The following SLC12A2 variants were observed in gnomAD, a reference collection of about 807,000 sequenced individuals.
SLC12A2 encodes the protein Na-K-2Cl cotransporter 1.
A neutral mutation model predicts 136.3 loss-of-function variants in SLC12A2; 67 were observed. That is an observed-to-expected ratio of 0.49 (90% confidence interval 0.40 to 0.60). SLC12A2 has a LOEUF of 0.60. SLC12A2 is among the 20% of genes least tolerant of loss of function. The probability of loss-of-function intolerance (pLI) is 0.00; values close to 1 mark genes in which losing one functional copy is unlikely to be tolerated. For missense variants in SLC12A2, 1,322 were observed against 1,534.7 expected (o/e 0.86, Z 2.32); for synonymous variants, 619 against 562.9 (o/e 1.10, Z -1.41).
intron 17 of SLC12A2, among the ~76,000 whole-genome samples, chr5:128,165,026 A>G (rs6882728): frequency 0.039 from 5,995 of 151,824 alleles, 425 homozygotes; most frequent in African/African-American, 0.14. Flanking sequence ...TATTTTTTGT[A>G]GAGATGAGGT....
intron 7 of SLC12A2, among the ~76,000 whole-genome samples, chr5:128,138,385 C>T (rs1762252718): frequency 6.6e-6 from 1 of 152,146 alleles, no homozygotes; most frequent in African/African-American, 2.4e-5. Flanking sequence ...AAAAATGAGA[C>T]ATGAATCAGA....
intron 1 of SLC12A2, among the ~76,000 whole-genome samples, chr5:128,091,001 A>T (rs1760293411): frequency 6.6e-6 from 1 of 152,034 alleles, no homozygotes; most frequent in Non-Finnish European, 1.5e-5. Context: ...TTTTCAAAAT[A>T]CCACGCTGAT....
In SLC12A2 at chr5:128,186,545, G is replaced by A. The variant is rs762046751; in HGVS notation, c.3553G>A (p.Ala1185Thr). 5 of 1,613,276 alleles carry A rather than the reference G, an allele frequency of 3.1e-6. No individual in the cohort carries two copies. Among genetic ancestry groups the A allele is most frequent in the East Asian group, 2.2e-5 (1 of 44,842 alleles). The change falls in exon 27 of 27, where the codon GCA becomes ACA. Residue 1185 changes from alanine to threonine, a missense_variant. By Grantham distance (58) the Ala-to-Thr change is moderately conservative. This residue lies in a region of SLC12A2 where 172 missense variants were observed against 227.4 expected (regional missense o/e 0.76). Coordinates refer to ENST00000262461, the MANE Select transcript of SLC12A2 (RefSeq NM_001046.3). ...TGCTGTGTCTAGTGCTCTCTACATG[G>A]CATGGTTAGAAGCTCTATCTAAGGA... Reference protein sequence around the residue: ...KGAVSSALYMAWLEALSKDLP... With the variant: ...KGAVSSALYMTWLEALSKDLP...
At chr5:128,181,409 A>G (rs190005432) in intron 23 of SLC12A2, among the ~76,000 whole-genome samples, 32 of 152,208 alleles carry the variant, frequency 2.1e-4, no homozygotes, top group Admixed American at 1.2e-3. Context: ...TCACGATTCT[A>G]GTTCTTGTTT....
At chr5:128,174,389 G>A (rs1223751722) in intron 19 of SLC12A2, 152 bp from the exon 20 acceptor site, 7 of 551,232 alleles carry the variant, frequency 1.3e-5, no homozygotes, top group East Asian at 1.1e-4. Flanking sequence ...TAAATGAATA[G>A]TCATTTCAAA....
chr5:128,102,342 C>T (rs551893255), intron 1 of SLC12A2, among the ~76,000 whole-genome samples: 1 of 151,658 alleles, frequency 6.6e-6, no homozygotes, highest in Non-Finnish European at 1.5e-5. Context: ...CTCTGTGCAC[C>T]CCCTTCTAAT....
chr5:128,156,645 G>T (rs984304359), intron 15 of SLC12A2, among the ~76,000 whole-genome samples: 11 of 152,196 alleles, frequency 7.2e-5, no homozygotes, highest in African/African-American at 2.7e-4. Flanking sequence ...AGAGACATTG[G>T]TGTCACATGG....
chr5:128,181,025 T>C (rs749770624), intron 23 of SLC12A2, 31 bp downstream of exon 23: 1 of 1,220,884 alleles, frequency 8.2e-7, no homozygotes, highest in Non-Finnish European at 1.2e-6. Flanking sequence ...AGGGCATGAA[T>C]CTATTAGCAC....
chr5:128,168,507 T>TG (rs940634094), intron 18 of SLC12A2: 4 of 152,218 alleles, frequency 2.6e-5, no homozygotes, highest in African/African-American at 9.7e-5. Context: ...ACATGGGTAG[T>TG]GGTGGGGTCT....
At chr5:128,141,582 G>A (rs1383074935) in intron 9 of SLC12A2, among the ~76,000 whole-genome samples, 1 of 152,184 alleles carries the variant, frequency 6.6e-6, no homozygotes, top group Admixed American at 6.5e-5. Context: ...TCTTTACATG[G>A]TTTTTAAGTG....
chr5:128,184,688 A>G (rs1418057976), intron 25 of SLC12A2, 101 bp from the exon 26 acceptor site: 1 of 1,567,418 alleles, frequency 6.4e-7, no homozygotes, highest in Admixed American at 1.9e-5. Flanking sequence ...TTATTACACG[A>G]AAATTCATTT....
chr5:128,184,720 T>C, intron 25 of SLC12A2, 69 bp from the exon 26 acceptor site: 1 of 1,604,258 alleles, frequency 6.2e-7, no homozygotes, highest in Non-Finnish European at 8.5e-7. Context: ...TGTCTCCTTA[T>C]AGTTTTATGA....
intron 1 of SLC12A2, among the ~76,000 whole-genome samples, chr5:128,097,579 C>T (rs527353142): frequency 1.3e-5 from 2 of 151,860 alleles, no homozygotes; most frequent in East Asian, 3.9e-4. Flanking sequence ...TAATTTAATT[C>T]TTCTGTTGAA....
intron 4 of SLC12A2, among the ~76,000 whole-genome samples, chr5:128,124,734 T>C (rs1761718624): frequency 6.7e-6 from 1 of 150,152 alleles, no homozygotes. Context: ...AATGATTAGC[T>C]CAATTTCTAG....
intron 4 of SLC12A2, among the ~76,000 whole-genome samples, chr5:128,129,052 A>G (rs1176979161): frequency 1.3e-5 from 2 of 152,106 alleles, no homozygotes; most frequent in Non-Finnish European, 2.9e-5. Context: ...TCAAAACTTT[A>G]AGGCACATAA....
Position 128,186,057 on chromosome 5 carries a change from T to TA in SLC12A2, c.3504-432dup, listed in dbSNP as rs200270816. Among the ~76,000 whole-genome samples, 925 of 151,992 alleles carry TA rather than the reference T, an allele frequency of 6.1e-3. 6 individuals are homozygous for TA. Among genetic ancestry groups the TA allele is most frequent in the Middle Eastern group, 0.027 (8 of 294 alleles). On this transcript the variant is annotated intron_variant, in intron 26 of 26. Transcript: ENST00000262461. ...CAATGTATTAAGACCCCATCTCTCT[T>TA]AAAAAAATATATATATATTTTTACT...
intron 10 of SLC12A2, among the ~76,000 whole-genome samples, chr5:128,145,214 T>C (rs1762492062): frequency 6.6e-6 from 1 of 152,108 alleles, no homozygotes; most frequent in African/African-American, 2.4e-5. Context: ...TTCCTCAACA[T>C]GGAAGAGGAA....
chr5:128,104,088 AC>A (rs1326863968), intron 1 of SLC12A2, among the ~76,000 whole-genome samples: 5 of 152,322 alleles, frequency 3.3e-5, no homozygotes, highest in Admixed American at 1.3e-4. Flanking sequence ...ATGTACGGAA[AC>A]CCAGGGGTCT....
chr5:128,098,283 A>G (rs1317055569), intron 1 of SLC12A2, among the ~76,000 whole-genome samples: 4 of 152,052 alleles, frequency 2.6e-5, no homozygotes, highest in Admixed American at 2.0e-4. Context: ...GAATTTCTGT[A>G]AAAATTTATT....
Sources: gnomAD v4.1 joint callset for allele counts (sites outside exome capture counted in the v4.1 genomes callset) on GRCh38, gnomAD v4.1.1 for gene constraint, gnomAD v4.1.1 regional missense constraint, MANE v1.5 for transcripts, NCBI Gene and HGNC (gene_info 2026-07-23, HGNC 2026-07-21) for gene names.